LSAMP: variants seen among roughly 807,000 people sequenced by gnomAD.
LSAMP encodes limbic system-associated membrane protein.
A neutral mutation model predicts 38.6 loss-of-function variants in LSAMP; 7 were observed. The observed-to-expected ratio is 0.18, with a 90% confidence interval of 0.10 to 0.34. The LOEUF is 0.34. Ranked by LOEUF, LSAMP falls within the 10% of genes least tolerant of loss-of-function variation. The probability of loss-of-function intolerance (pLI) is 1.00; values close to 1 mark genes in which losing one functional copy is unlikely to be tolerated. For synonymous variants in LSAMP, 154 were observed against 166.8 expected (o/e 0.92, Z 0.59); for missense variants, 313 against 420.0 (o/e 0.75, Z 2.23).
intron 3 of LSAMP, among the ~76,000 whole-genome samples, chr3:115,854,109 T>G (rs1054406204): frequency 6.6e-6 from 1 of 152,010 alleles, no homozygotes; most frequent in Non-Finnish European, 1.5e-5. Context: ...TCACTAGTTT[T>G]GAGGAAACTG....
At chr3:115,852,883 C>G (rs1469435217) in intron 3 of LSAMP, among the ~76,000 whole-genome samples, 6 of 152,118 alleles carry the variant, frequency 3.9e-5, no homozygotes, top group Non-Finnish European at 8.8e-5. Context: ...GGTGCAATGC[C>G]AAGCTAAGTC....
At chr3:116,138,087 G>A (rs1418561765) in intron 1 of LSAMP, among the ~76,000 whole-genome samples, 2 of 152,112 alleles carry the variant, frequency 1.3e-5, no homozygotes, top group East Asian at 3.9e-4. Context: ...TAGGTCAGTG[G>A]TAGGTCTTGA....
intron 1 of LSAMP, among the ~76,000 whole-genome samples, chr3:116,262,398 T>A (rs1234188282): frequency 6.6e-6 from 1 of 152,206 alleles, no homozygotes; most frequent in African/African-American, 2.4e-5. Context: ...TTATGGGATA[T>A]GTGACACAAA....
At chr3:115,820,766 A>T (rs1934203346) in intron 6 of LSAMP, among the ~76,000 whole-genome samples, 1 of 152,228 alleles carries the variant, frequency 6.6e-6, no homozygotes, top group South Asian at 2.1e-4. Flanking sequence ...TGAGAGACTG[A>T]ATGAATCAAT....
chr3:116,344,165 C>T (rs1324552204), intron 1 of LSAMP, among the ~76,000 whole-genome samples: 1 of 152,102 alleles, frequency 6.6e-6, no homozygotes, highest in Non-Finnish European at 1.5e-5. Context: ...AGTAGCTCTG[C>T]TGTATGGATT....
In LSAMP at chr3:116,250,129, T is replaced by C. The variant is rs1457081813; in HGVS notation, c.156-163573A>G. On this transcript the variant is annotated intron_variant, in intron 1 of 6. Transcript: ENST00000490035. The stretch of plus-strand genomic sequence containing the variant: ...CCAGAATTTAATGAGTTGTGCCATA[T>C]AGAATCATATTCAATGAAGTAAATA... Among the ~76,000 whole-genome samples the C allele has an allele frequency of 2.6e-5, 4 of 152,224 alleles. No homozygotes were observed. The South Asian group carries it at 8.3e-4, about 31-fold the overall frequency.
chr3:116,206,627 G>T (rs4496480), intron 1 of LSAMP, among the ~76,000 whole-genome samples: 72,278 of 146,690 alleles, frequency 0.49, 20,275 homozygotes, highest in East Asian at 0.73. Context: ...TGGTTTCAAA[G>T]AACATCTTTA....
chr3:115,958,580 C>T (rs947338617), intron 3 of LSAMP, among the ~76,000 whole-genome samples: 9 of 152,188 alleles, frequency 5.9e-5, no homozygotes, highest in Admixed American at 1.3e-4. Flanking sequence ...AGCCAGCAAG[C>T]GAGAGGAAAG....
intron 1 of LSAMP, among the ~76,000 whole-genome samples, chr3:116,408,767 A>C (rs2048932536): frequency 6.6e-6 from 1 of 152,110 alleles, no homozygotes; most frequent in South Asian, 2.1e-4. Context: ...TAATAACTAC[A>C]TAAAAACATA....
At chr3:116,046,740 C>A (rs1941297512) in intron 2 of LSAMP, among the ~76,000 whole-genome samples, 1 of 152,072 alleles carries the variant, frequency 6.6e-6, no homozygotes, top group African/African-American at 2.4e-5. Context: ...TTGCATTTGC[C>A]CAAATAATAA....
chr3:116,096,179 C>G (rs1708222643), intron 1 of LSAMP, among the ~76,000 whole-genome samples: 1 of 152,194 alleles, frequency 6.6e-6, no homozygotes, highest in Admixed American at 6.5e-5. Context: ...TTTTCTTCTG[C>G]AACACAGGAG....
At chr3:116,393,917 A>G (rs1315913919) in intron 1 of LSAMP, among the ~76,000 whole-genome samples, 1 of 152,230 alleles carries the variant, frequency 6.6e-6, no homozygotes, top group East Asian at 1.9e-4. Flanking sequence ...ATGGAACGAC[A>G]AGGAAGCGAG....
chr3:116,176,240 A>T (rs770142186), intron 1 of LSAMP, among the ~76,000 whole-genome samples: 2 of 152,106 alleles, frequency 1.3e-5, no homozygotes, highest in Non-Finnish European at 2.9e-5. Context: ...AAAATGGAGG[A>T]TTTCATGAAT....
chr3:116,295,796 T>C (rs73861418), intron 1 of LSAMP, among the ~76,000 whole-genome samples: 4,477 of 144,110 alleles, frequency 0.031, 208 homozygotes, highest in African/African-American at 0.11. Context: ...TATTTTGTTA[T>C]GTAAATAGAT....
At chr3:115,920,658 G>T (rs1372802846) in intron 3 of LSAMP, among the ~76,000 whole-genome samples, 1 of 152,060 alleles carries the variant, frequency 6.6e-6, no homozygotes, top group Non-Finnish European at 1.5e-5. Context: ...AAAAGAATGT[G>T]TATTCTGTTG....
Position 115,812,264 on chromosome 3 carries a change from CAATA to C in LSAMP, c.920-1854_920-1851del, listed in dbSNP as rs545642390. On this transcript the variant is annotated intron_variant, in intron 6 of 6. Coordinates refer to ENST00000490035, the MANE Select transcript of LSAMP (RefSeq NM_002338.5). ...TCTATGGAAACACAGAATAAAGATT[CAATA>C]AATTAATTATCTGATTTTCTGAATT... is the stretch of plus-strand genomic sequence containing the variant. 8.0e-4 allele frequency among the ~76,000 whole-genome samples: 122 copies of C among 152,100 alleles called. 1 individual carries two copies. Among genetic ancestry groups the C allele is most frequent in the African/African-American group, 2.8e-3 (116 of 41,496 alleles).
At chr3:116,257,081 C>T (rs2046761988) in intron 1 of LSAMP, among the ~76,000 whole-genome samples, 1 of 152,206 alleles carries the variant, frequency 6.6e-6, no homozygotes, top group Non-Finnish European at 1.5e-5. Context: ...AGGAGGTACA[C>T]ACTCCTCTGT....
intron 6 of LSAMP, among the ~76,000 whole-genome samples, chr3:115,812,063 T>G (rs757879909): frequency 2.6e-5 from 4 of 152,186 alleles, no homozygotes; most frequent in Non-Finnish European, 4.4e-5. Context: ...ATTAAAATGG[T>G]CAGCACAAAC....
intron 3 of LSAMP, among the ~76,000 whole-genome samples, chr3:115,857,472 C>T (rs556353051): frequency 5.3e-5 from 8 of 152,276 alleles, no homozygotes; most frequent in Admixed American, 2.0e-4. Context: ...GTTCTATGGC[C>T]ACAATTTGGG....
Sources: gnomAD v4.1 joint callset for allele counts (sites outside exome capture counted in the v4.1 genomes callset) on GRCh38, gnomAD v4.1.1 for gene constraint, MANE v1.5 for transcripts, NCBI Gene and HGNC (gene_info 2026-07-23, HGNC 2026-07-21) for gene names.